The following IGSF21 variants were observed in gnomAD, a reference collection of about 807,000 sequenced individuals.
The protein encoded by IGSF21 is immunoglobin superfamily member 21.
A neutral mutation model predicts 46.8 loss-of-function variants in IGSF21; 28 were observed. That is an observed-to-expected ratio of 0.60 (90% CI 0.44 to 0.82). IGSF21 has a LOEUF of 0.82. Ranked by LOEUF, IGSF21 falls within the 40% of genes least tolerant of loss-of-function variation. IGSF21 has a pLI of 0.00. For synonymous variants in IGSF21, 284 were observed against 273.6 expected (o/e 1.04, Z -0.38); for missense variants, 624 against 665.5 (o/e 0.94, Z 0.69).
intron 2 of IGSF21, among the ~76,000 whole-genome samples, chr1:18,275,223 G>A (rs1458599031): frequency 1.3e-5 from 2 of 152,174 alleles, no homozygotes; most frequent in Non-Finnish European, 2.9e-5. Flanking sequence ...TAGAAGTTGC[G>A]CTCATGCTCT....
intron 1 of IGSF21, among the ~76,000 whole-genome samples, chr1:18,225,732 C>T (rs1047459948): frequency 6.6e-6 from 1 of 152,148 alleles, no homozygotes; most frequent in Non-Finnish European, 1.5e-5. Context: ...AGGTCCTCAA[C>T]TCCTATCACA....
intron 2 of IGSF21, among the ~76,000 whole-genome samples, chr1:18,245,468 T>C (rs1418499859): frequency 6.6e-6 from 1 of 152,230 alleles, no homozygotes; most frequent in Admixed American, 6.5e-5. Context: ...GGGATCTTTT[T>C]CATTGGATTT....
chr1:18,314,101 C>T (rs937572144), intron 3 of IGSF21, among the ~76,000 whole-genome samples: 4 of 152,220 alleles, frequency 2.6e-5, no homozygotes, highest in African/African-American at 4.8e-5. Context: ...ATTACTCTCA[C>T]GGCCGGGGCC....
chr1:18,238,466 G>A (rs769847546), intron 2 of IGSF21, among the ~76,000 whole-genome samples: 1 of 152,186 alleles, frequency 6.6e-6, no homozygotes, highest in African/African-American at 2.4e-5. Flanking sequence ...ACTGGCTTTG[G>A]CCACACATCA....
intron 4 of IGSF21, among the ~76,000 whole-genome samples, chr1:18,357,281 G>T (rs1211883318): frequency 6.7e-6 from 1 of 150,240 alleles, no homozygotes; most frequent in Non-Finnish European, 1.5e-5. Context: ...GAAGGAGATG[G>T]AGATGAAGAT....
At chr1:18,358,020 G>T (rs2086039857) in intron 4 of IGSF21, among the ~76,000 whole-genome samples, 1 of 151,754 alleles carries the variant, frequency 6.6e-6, no homozygotes, top group Non-Finnish European at 1.5e-5. Flanking sequence ...TGTGACTTAG[G>T]TGCAGATCTC....
chr1:18,247,547 G>A (rs1032786708), intron 2 of IGSF21, among the ~76,000 whole-genome samples: 17 of 152,128 alleles, frequency 1.1e-4, no homozygotes, highest in African/African-American at 1.7e-4. Flanking sequence ...GCCCATCCTC[G>A]GAGGTGGCAG....
intron 2 of IGSF21, among the ~76,000 whole-genome samples, chr1:18,284,117 C>T (rs893109539): frequency 6.6e-6 from 1 of 152,128 alleles, no homozygotes; most frequent in Non-Finnish European, 1.5e-5. Flanking sequence ...AAGCACAGCT[C>T]CTGAAAGGAC....
At chr1:18,364,766 C>A (rs1036013674) in intron 5 of IGSF21, among the ~76,000 whole-genome samples, 1 of 152,136 alleles carries the variant, frequency 6.6e-6, no homozygotes, top group African/African-American at 2.4e-5. Flanking sequence ...CTCCCAACGT[C>A]TCACTTCATC....
At chr1:18,176,609 C>G (rs2086800247) in intron 1 of IGSF21, among the ~76,000 whole-genome samples, 1 of 149,042 alleles carries the variant, frequency 6.7e-6, no homozygotes, top group South Asian at 2.1e-4. Flanking sequence ...ACTGATGTGC[C>G]GTTTTCACTA....
rs772625369 is a variant in IGSF21, at chr1:18,227,909, G to C, written c.82G>C (p.Val28Leu). The change falls in exon 2 of 10, where the codon GTC (valine) becomes CTC (leucine). Residue 28 changes from valine to leucine, a missense_variant. Physicochemically the swap from Val to Leu is conservative, Grantham distance 32. Transcript: ENST00000251296. Reference protein sequence around the residue: ...ILDLARGYLTVNIEPLPPVVA... With the variant: ...ILDLARGYLTLNIEPLPPVVA... ...CCTCTCTTCTGTAGGCTACCTGACA[G>C]TCAACATTGAGCCTCTCCCCCCTGT... 10 of 1,613,836 alleles carry C rather than the reference G, an allele frequency of 6.2e-6. No homozygotes were observed. The highest frequency in any genetic ancestry group is 7.6e-6 in the Non-Finnish European group (9 of 1,179,828).
intron 9 of IGSF21, 38 bp downstream of exon 9, chr1:18,377,469 AGT>A: frequency 1.9e-6 from 3 of 1,575,762 alleles, no homozygotes; most frequent in Non-Finnish European, 2.6e-6. Context: ...CTTAAAAGGG[AGT>A]GGCTTTTGAG....
At chr1:18,228,699 G>A (rs2084594140) in intron 2 of IGSF21, among the ~76,000 whole-genome samples, 1 of 152,172 alleles carries the variant, frequency 6.6e-6, no homozygotes, top group Non-Finnish European at 1.5e-5. Context: ...GGGCAGTGAT[G>A]CTTTTCTTCC....
At chr1:18,119,234 T>C (rs1284154083) in intron 1 of IGSF21, among the ~76,000 whole-genome samples, 1 of 152,234 alleles carries the variant, frequency 6.6e-6, no homozygotes, top group Non-Finnish European at 1.5e-5. Context: ...CTGTGTTGGG[T>C]TCTAGAAATC....
At chr1:18,187,220 CAGAG>C (rs10557379) in intron 1 of IGSF21, among the ~76,000 whole-genome samples, 143,522 of 150,504 alleles carry the variant, frequency 0.95, 68,647 homozygotes, top group East Asian at 1. Context: ...GAGAGAGATA[CAGAG>C]AGAGAGAGAG....
At chr1:18,281,319 G>C (rs572518701) in intron 2 of IGSF21, among the ~76,000 whole-genome samples, 2 of 152,196 alleles carry the variant, frequency 1.3e-5, no homozygotes, top group South Asian at 4.1e-4. Context: ...CAACACTTTG[G>C]GAGGCGAGGT....
chr1:18,323,830 G>A lies in IGSF21; in HGVS notation c.306-11062G>A, dbSNP rs551044024. On this transcript the variant is annotated intron_variant, in intron 3 of 9. Coordinates refer to ENST00000251296, the MANE Select transcript of IGSF21 (RefSeq NM_032880.5). Reference sequence around the variant, plus strand: ...AGAAACCATTTTCAGGTTGGGGGGCGGTGAAAATCATACTAATGGCTTTTT... The same window carrying A: ...AGAAACCATTTTCAGGTTGGGGGGCAGTGAAAATCATACTAATGGCTTTTT... Among the ~76,000 whole-genome samples the A allele has an allele frequency of 8.5e-5, 13 of 152,218 alleles. No homozygotes were observed. In the South Asian group the frequency reaches 1.2e-3, roughly 15 times the overall value.
chr1:18,146,522 T>C (rs931313046), intron 1 of IGSF21, among the ~76,000 whole-genome samples: 4 of 152,086 alleles, frequency 2.6e-5, no homozygotes, highest in African/African-American at 9.7e-5. Context: ...ATTGGGACAG[T>C]GAAGAGTCAG....
At chr1:18,376,426 G>A in intron 7 of IGSF21, 31 bp downstream of exon 7, 1 of 1,524,460 alleles carries the variant, frequency 6.6e-7, no homozygotes, top group Non-Finnish European at 9.1e-7. Flanking sequence ...CTGGGAGGGT[G>A]GTGGGAGGTG....
Sources: allele counts gnomAD v4.1 joint callset (sites outside exome capture counted in the v4.1 genomes callset), GRCh38; gene constraint gnomAD v4.1.1; transcripts MANE v1.5; gene names NCBI Gene and HGNC (gene_info 2026-07-23, HGNC 2026-07-21).